The following TGM4 variants were observed in gnomAD, a reference collection of about 807,000 sequenced individuals.
TGM4 encodes the protein protein-glutamine gamma-glutamyltransferase 4.
In TGM4, 61 loss-of-function variants were observed where a neutral mutation model predicts 76.3. That is an observed-to-expected ratio of 0.80 (90% CI 0.65 to 0.99). TGM4 has a LOEUF of 0.99. TGM4 is among the 50% of genes least tolerant of loss of function. TGM4 has a pLI of 0.00. For synonymous variants in TGM4, 337 were observed against 329.8 expected (o/e 1.02, Z -0.24); for missense variants, 794 against 843.2 (o/e 0.94, Z 0.72).
intron 5 of TGM4, 39 bp downstream of exon 5, chr3:44,893,734 C>T (rs1575718517): frequency 1.3e-6 from 2 of 1,549,506 alleles, no homozygotes; most frequent in Non-Finnish European, 1.8e-6. Context: ...CAGGCCCCAT[C>T]TGCTAGACCA....
chr3:44,913,311 A>G (rs1225639534), intron 13 of TGM4, among the ~76,000 whole-genome samples: 2 of 152,254 alleles, frequency 1.3e-5, no homozygotes. Context: ...CATCTGTAGT[A>G]AAGTCAGGCA....
intron 10 of TGM4, among the ~76,000 whole-genome samples, chr3:44,907,616 C>G (rs952341423): frequency 6.6e-6 from 1 of 152,214 alleles, no homozygotes; most frequent in African/African-American, 2.4e-5. Context: ...CTGGCCCCTG[C>G]AGAGCTGGCC....
intron 6 of TGM4, among the ~76,000 whole-genome samples, chr3:44,900,072 G>A (rs751793365): frequency 2.0e-5 from 3 of 152,206 alleles, no homozygotes; most frequent in Non-Finnish European, 2.9e-5. Context: ...GCTTTGTTCC[G>A]CAGGGGGATA....
intron 5 of TGM4, 144 bp downstream of exon 5, chr3:44,893,839 A>G: frequency 2.6e-6 from 2 of 772,912 alleles, no homozygotes; most frequent in Non-Finnish European, 4.5e-6. Context: ...ACTTGGCCAT[A>G]GAGGGGTGAC....
intron 6 of TGM4, chr3:44,899,483 G>A (rs1458210231): frequency 1.3e-5 from 2 of 152,164 alleles, no homozygotes; most frequent in African/African-American, 2.4e-5. Context: ...CCACTTCAGA[G>A]GCCCTCCCCT....
At chr3:44,902,583 A>G (rs1699869474) in intron 8 of TGM4, among the ~76,000 whole-genome samples, 1 of 152,184 alleles carries the variant, frequency 6.6e-6, no homozygotes, top group African/African-American at 2.4e-5. Flanking sequence ...CTGGTGACAG[A>G]GCTAGACTCC....
chr3:44,890,667 CTG>C lies in TGM4; in HGVS notation c.366_367del (p.Gly123LysfsTer5), dbSNP rs1298932056. On this transcript the variant is annotated frameshift_variant, in exon 4 of 14. Transcript: ENST00000296125. LOFTEE classifies it high-confidence loss of function. Reference sequence around the variant, plus strand: ...GGCAAGTACCAACTAAACGTGAAAACTGGAAACCACATCCTTAAGTCTGAAGA... The same window carrying C: ...GGCAAGTACCAACTAAACGTGAAAACGAAACCACATCCTTAAGTCTGAAGA... The C allele has an allele frequency of 1.2e-6, 2 of 1,614,224 alleles. No individual in the cohort carries two copies.
chr3:44,900,499 C>A (rs1699838588), intron 6 of TGM4, among the ~76,000 whole-genome samples: 1 of 152,174 alleles, frequency 6.6e-6, no homozygotes, highest in Admixed American at 6.5e-5. Context: ...GAACAAACTC[C>A]CAAACAGGAT....
rs745770469 is a variant in TGM4 at position 44,890,660 on chromosome 3, G to T, written c.358G>T (p.Val120Leu). Residue 120 changes from valine to leucine, a missense_variant, in exon 4 of 14, where the codon GTG becomes TTG. Val to Leu is a conservative substitution (Grantham distance 32, BLOSUM62 1). Transcript: ENST00000296125. The stretch of plus-strand genomic sequence containing the variant: ...CATCCTGGGCAAGTACCAACTAAAC[G>T]TGAAAACTGGAAACCACATCCTTAA... ...NAILGKYQLN[V>L]KTGNHILKSE... 14 of 1,614,176 alleles carry T rather than the reference G, an allele frequency of 8.7e-6. No homozygotes were observed. Among genetic ancestry groups the T allele is most frequent in the Non-Finnish European group, 1.2e-5 (14 of 1,180,022 alleles).
rs372323828 is a variant in TGM4 at position 44,887,783 on chromosome 3, G to A, written c.288G>A (p.Glu96=). The A allele has an allele frequency of 6.2e-7, 1 of 1,614,070 alleles. No individual in the cohort carries two copies. The highest frequency in any genetic ancestry group is 1.3e-5 in the African/African-American group (1 of 74,942). The change falls in exon 3 of 14, where the codon GAG becomes GAA. Residue 96 remains glutamate, a synonymous_variant. Coordinates refer to ENST00000296125, the MANE Select transcript of TGM4 (RefSeq NM_003241.4). ...HYNWQATLQN[E]SGKEVTVAVT... is the part of the protein sequence containing the mutation. ...ACTGGCAGGCAACCCTTCAAAATGA[G>A]TCTGGCAAAGAGGTGAGCACCCACT...
At chr3:44,880,548 G>A (rs2125746984) in intron 1 of TGM4, among the ~76,000 whole-genome samples, 1 of 152,240 alleles carries the variant, frequency 6.6e-6, no homozygotes, top group East Asian at 1.9e-4. Context: ...ACTGGGGGGT[G>A]GGGGAATGTG....
At chr3:44,877,610 A>C (rs1358082568) in intron 1 of TGM4, among the ~76,000 whole-genome samples, 3 of 151,868 alleles carry the variant, frequency 2.0e-5, no homozygotes, top group Non-Finnish European at 4.4e-5. Flanking sequence ...AAAAAAGGTT[A>C]TATAAAAGCA....
At chr3:44,888,266 T>G (rs763043349) in intron 3 of TGM4, 36 of 168,684 alleles carry the variant, frequency 2.1e-4, no homozygotes, top group South Asian at 6.1e-4. Context: ...CCACCCTTTT[T>G]GGGAGCACTG....
intron 8 of TGM4, chr3:44,903,461 A>G (rs1465744722): frequency 6.4e-6 from 1 of 155,888 alleles, no homozygotes; most frequent in East Asian, 1.9e-4. Context: ...ATCTTTTACT[A>G]GGCTGTGACT....
chr3:44,911,453 T>A (rs753231601), intron 13 of TGM4, 47 bp downstream of exon 13: 1 of 1,604,188 alleles, frequency 6.2e-7, no homozygotes, highest in Non-Finnish European at 8.5e-7. Flanking sequence ...TGGACATATA[T>A]CTTGCACATG....
chr3:44,896,723 CCTGG>C lies in TGM4; in HGVS notation c.565_568del (p.Leu189ThrfsTer7). The C allele has an allele frequency of 6.2e-7, 1 of 1,614,112 alleles. No individual in the cohort carries two copies. Among genetic ancestry groups the C allele is most frequent in the Non-Finnish European group, 8.5e-7 (1 of 1,180,016 alleles). ...TCCCAAAATAGTTTGAGAAAAATGT[CCTGG>C]ACTGCTGCATTTCCCTGCTGACTGA... On this transcript the variant is annotated frameshift_variant, in exon 6 of 14. Coordinates refer to ENST00000296125, the MANE Select transcript of TGM4 (RefSeq NM_003241.4). LOFTEE classifies it high-confidence loss of function.
At chr3:44,879,199 C>T (rs926412218) in intron 1 of TGM4, among the ~76,000 whole-genome samples, 5 of 147,952 alleles carry the variant, frequency 3.4e-5, no homozygotes, top group African/African-American at 7.4e-5. Flanking sequence ...GATTTATTCT[C>T]TTAGGTCCCT....
chr3:44,876,666 A>T (rs1699455491), intron 1 of TGM4, among the ~76,000 whole-genome samples: 2 of 152,256 alleles, frequency 1.3e-5, no homozygotes, highest in South Asian at 4.1e-4. Context: ...CAATATGAAA[A>T]ATAATCTTAG....
At chr3:44,898,487 T>C (rs1423510629) in intron 6 of TGM4, among the ~76,000 whole-genome samples, 1 of 152,206 alleles carries the variant, frequency 6.6e-6, no homozygotes, top group Admixed American at 6.5e-5. Flanking sequence ...GGGATTATTA[T>C]GCAAGTAGTT....
Sources: gnomAD v4.1 joint callset for allele counts (sites outside exome capture counted in the v4.1 genomes callset) on GRCh38, gnomAD v4.1.1 for gene constraint, MANE v1.5 for transcripts, NCBI Gene and HGNC (gene_info 2026-07-23, HGNC 2026-07-21) for gene names.